The following GAS7 variants were observed in gnomAD, a reference collection of about 807,000 sequenced individuals.
The protein encoded by GAS7 is growth arrest-specific protein 7.
Under a neutral mutation model 71.1 loss-of-function variants are expected in GAS7, and 28 were observed. That is an observed-to-expected ratio of 0.39 (90% CI 0.29 to 0.54). The LOEUF is 0.54. Ranked by LOEUF, GAS7 falls within the 20% of genes least tolerant of loss-of-function variation. The pLI is 0.62. For synonymous variants in GAS7, 258 were observed against 245.8 expected, an observed-to-expected ratio of 1.05 and a Z score of -0.46; for missense variants, 436 against 627.8, an observed-to-expected ratio of 0.69 and a Z score of 3.27.
Position 10,130,189 on chromosome 17 carries a change from A to C in GAS7, c.183+68019T>G, listed in dbSNP as rs561148175. On this transcript the variant is annotated intron_variant, in intron 1 of 13. Coordinates refer to ENST00000432992, the MANE Select transcript of GAS7 (RefSeq NM_201433.2). ...GCCTCAAAAAAAAAAACAAAAAAAA[A>C]CAAAAAACAACAACAAAAAAACATG... 1.5e-4 allele frequency among the ~76,000 whole-genome samples: 23 copies of C among 152,108 alleles called. No homozygotes were observed. In the East Asian group the frequency reaches 1.7e-3, roughly 11 times the overall value.
chr17:10,185,683 A>T (rs1398994302), intron 1 of GAS7, among the ~76,000 whole-genome samples: 2 of 152,080 alleles, frequency 1.3e-5, no homozygotes, highest in Non-Finnish European at 2.9e-5. Flanking sequence ...GAAGTGGGGC[A>T]CTCTTGTGGG....
intron 4 of GAS7, among the ~76,000 whole-genome samples, chr17:9,962,641 T>A (rs1014226950): frequency 1.1e-4 from 16 of 152,198 alleles, no homozygotes; most frequent in African/African-American, 3.9e-4. Flanking sequence ...GACCACCATT[T>A]GCAAACCCCA....
intron 1 of GAS7, among the ~76,000 whole-genome samples, chr17:10,099,244 C>G (rs1225954213): frequency 6.6e-6 from 1 of 152,072 alleles, no homozygotes; most frequent in African/African-American, 2.4e-5. Context: ...ATTTACCAAA[C>G]AGCGCCTGTT....
At chr17:9,943,379 C>G (rs1567803615) in intron 6 of GAS7, 143 bp from the exon 7 acceptor site, 1 of 631,528 alleles carries the variant, frequency 1.6e-6, no homozygotes, top group East Asian at 2.6e-5. Context: ...CTCTGCTGCC[C>G]TAACTCGGAT....
At chr17:10,135,844 C>T (rs745708790) in intron 1 of GAS7, among the ~76,000 whole-genome samples, 1 of 152,176 alleles carries the variant, frequency 6.6e-6, no homozygotes, top group African/African-American at 2.4e-5. Flanking sequence ...AATAAATTGT[C>T]AGCAGAAGAT....
At chr17:10,194,101 G>A (rs563516992) in intron 1 of GAS7, among the ~76,000 whole-genome samples, 1 of 152,312 alleles carries the variant, frequency 6.6e-6, no homozygotes, top group Non-Finnish European at 1.5e-5. Context: ...AGCCATTCTA[G>A]TTGTGCCAGC....
intron 1 of GAS7, among the ~76,000 whole-genome samples, chr17:10,048,695 A>C (rs964163479): frequency 1.3e-5 from 2 of 152,246 alleles, no homozygotes; most frequent in Non-Finnish European, 2.9e-5. Flanking sequence ...AAGTTGTATG[A>C]GTATTTCAAG....
At chr17:10,023,921 C>T (rs1376459477) in intron 1 of GAS7, among the ~76,000 whole-genome samples, 1 of 152,056 alleles carries the variant, frequency 6.6e-6, no homozygotes, top group Non-Finnish European at 1.5e-5. Context: ...GTCAGGAGTT[C>T]GAGACCAGCC....
chr17:10,183,635 C>T (rs1244266038), intron 1 of GAS7, among the ~76,000 whole-genome samples: 3 of 152,116 alleles, frequency 2.0e-5, no homozygotes, highest in Non-Finnish European at 2.9e-5. Context: ...GTCAGGAGAT[C>T]GAGACCATCC....
chr17:9,962,427 C>T (rs988600064), intron 4 of GAS7, among the ~76,000 whole-genome samples: 22 of 151,974 alleles, frequency 1.4e-4, no homozygotes, highest in African/African-American at 3.9e-4. Context: ...TCCTATTGTA[C>T]CAAGAGGTAA....
intron 1 of GAS7, among the ~76,000 whole-genome samples, chr17:10,067,595 G>C (rs969959569): frequency 2.0e-5 from 3 of 152,094 alleles, no homozygotes; most frequent in African/African-American, 4.8e-5. Flanking sequence ...CTCTGGCTAG[G>C]GGGTAATCAG....
chr17:10,112,194 A>C (rs553888729), intron 1 of GAS7, among the ~76,000 whole-genome samples: 1 of 152,326 alleles, frequency 6.6e-6, no homozygotes, highest in African/African-American at 2.4e-5. Context: ...AAATGCTGTC[A>C]CTGCATCCAA....
chr17:10,025,230 C>T (rs2072421490), intron 1 of GAS7, among the ~76,000 whole-genome samples: 2 of 152,028 alleles, frequency 1.3e-5, no homozygotes, highest in South Asian at 4.2e-4. Context: ...GAGCAAGACC[C>T]CATCTCTACA....
intron 1 of GAS7, among the ~76,000 whole-genome samples, chr17:10,181,024 G>T (rs2074409694): frequency 7.2e-6 from 1 of 138,828 alleles, no homozygotes; most frequent in African/African-American, 2.7e-5. Flanking sequence ...GTGTTAAGGG[G>T]TCTAGAATAA....
intron 1 of GAS7, among the ~76,000 whole-genome samples, chr17:10,146,816 C>A (rs1048517582): frequency 3.3e-5 from 5 of 152,096 alleles, no homozygotes; most frequent in African/African-American, 1.2e-4. Flanking sequence ...AACCCCATCT[C>A]TACTAAAAAT....
intron 1 of GAS7, among the ~76,000 whole-genome samples, chr17:10,021,815 T>G (rs1272928422): frequency 6.6e-6 from 1 of 152,202 alleles, no homozygotes; most frequent in East Asian, 1.9e-4. Context: ...CAAATAGGAT[T>G]ATAACAACGT....
intron 1 of GAS7, among the ~76,000 whole-genome samples, chr17:10,128,295 T>C (rs953959233): frequency 2.6e-5 from 4 of 152,194 alleles, no homozygotes; most frequent in Admixed American, 2.0e-4. Flanking sequence ...AAACAACTTG[T>C]GGAGAGTCCA....
At chr17:10,009,318 C>CAAA (rs541133967) in intron 2 of GAS7, among the ~76,000 whole-genome samples, 2,696 of 78,486 alleles carry the variant, frequency 0.034, 164 homozygotes, top group African/African-American at 0.11. Context: ...GAGACTCCGT[C>CAAA]AAAAAAAAAA....
intron 1 of GAS7, among the ~76,000 whole-genome samples, chr17:10,162,988 G>A (rs904765829): frequency 1.3e-5 from 2 of 152,014 alleles, no homozygotes; most frequent in African/African-American, 2.4e-5. Context: ...GGTTAAGATG[G>A]TAAATTTTGT....
Sources: allele counts gnomAD v4.1 joint callset (sites outside exome capture counted in the v4.1 genomes callset), GRCh38; gene constraint gnomAD v4.1.1; transcripts MANE v1.5; gene names NCBI Gene and HGNC (gene_info 2026-07-23, HGNC 2026-07-21).